The following C1QL1 variants were observed in gnomAD, a reference collection of about 807,000 sequenced individuals.
The protein encoded by C1QL1 is complement C1q like 1.
C1QL1 carries 15 observed loss-of-function variants against 14.2 expected under a neutral mutation model. That is an observed-to-expected ratio of 1.06 (90% CI 0.71 to 1.62). The LOEUF is 1.62. C1QL1 is among the 40% of genes most tolerant of loss of function. The pLI is 0.00. For missense variants in C1QL1, 346 were observed against 380.3 expected (o/e 0.91, Z 0.75); for synonymous variants, 172 against 172.4 (o/e 1.00, Z 0.02).
rs3024273 is a variant in C1QL1, at chr17:44,967,308, T to C, written c.597+144A>G. 1.6e-4 allele frequency: 141 copies of C among 854,982 alleles called. No individual in the cohort carries two copies. The African/African-American group carries it at 1.8e-3, about 11-fold the overall frequency. 53.0% of individuals were successfully genotyped at this position (854,982 alleles called of 1,614,324 possible). On this transcript the variant is annotated intron_variant, in intron 1 of 1. Transcript: ENST00000253407. The surrounding 1 kb of genome is among the most constrained non-coding windows in gnomAD (Gnocchi z 7.0). ...CGCTGGCTCCGACCATCCCCACACG[T>C]GATGACCAAGCGGGGCCGCTGTGGG...
intron 1 of C1QL1, among the ~76,000 whole-genome samples, chr17:44,966,729 G>A (rs912037850): frequency 2.6e-5 from 4 of 152,100 alleles, no homozygotes; most frequent in African/African-American, 9.7e-5. Context: ...GGGAGACCAA[G>A]AGGAGGGGGA....
Position 44,968,054 on chromosome 17 carries a change from C to A in C1QL1, c.-6G>T. 1 of 1,313,972 alleles carries A rather than the reference C, an allele frequency of 7.6e-7. No individual in the cohort carries two copies. Among genetic ancestry groups the A allele is most frequent in the Non-Finnish European group, 9.7e-7 (1 of 1,031,588 alleles). 81.4% of individuals were successfully genotyped at this position (1,313,972 alleles called of 1,614,324 possible). On this transcript the variant is annotated 5_prime_UTR_variant, in exon 1 of 2. Coordinates refer to ENST00000253407, the MANE Select transcript of C1QL1 (RefSeq NM_006688.5). ...ACCACCAGCACCAGCAGCATCACCA[C>A]ACCCGCGGCGGCCGCTAGCAGCGTC...
chr17:44,967,704 GC>G lies in C1QL1; in HGVS notation c.344del (p.Gly115AlafsTer41), dbSNP rs760064874. On this transcript the variant is annotated frameshift_variant, in exon 1 of 2. Coordinates refer to ENST00000253407, the MANE Select transcript of C1QL1 (RefSeq NM_006688.5). LOFTEE classifies it high-confidence loss of function. This position sits in a 1 kb window ranked among gnomAD's most constrained non-coding sequence, Gnocchi z 7.0. ...PGPPGLPGAG[G>X]SGAISTATYT... ...AGGTGGCAGTGCTGATGGCGCCGCTGCCCCCCGCGCCCGGCAGCCCCGGAGG... is the reference window on the plus strand; with the variant it reads ...AGGTGGCAGTGCTGATGGCGCCGCTGCCCCCGCGCCCGGCAGCCCCGGAGG... 6.2e-7 allele frequency: 1 copy of G among 1,610,386 alleles called. No homozygotes were observed. Among genetic ancestry groups the G allele is most frequent in the Non-Finnish European group, 8.5e-7 (1 of 1,179,098 alleles).
chr17:44,966,321 G>C (rs147949957), intron 1 of C1QL1, among the ~76,000 whole-genome samples: 103 of 152,342 alleles, frequency 6.8e-4, no homozygotes, highest in African/African-American at 2.3e-3. Context: ...CAGAGCCTCA[G>C]GGCAGTGCTG....
intron 1 of C1QL1, among the ~76,000 whole-genome samples, chr17:44,961,796 G>A (rs944657311): frequency 2.7e-5 from 4 of 150,390 alleles, no homozygotes; most frequent in African/African-American, 9.8e-5. Flanking sequence ...TGAGGCAGGA[G>A]AATGGCGTGA....
In C1QL1 at chr17:44,963,349, G is replaced by C. The variant is rs539947940; in HGVS notation, c.598-2982C>G. Among the ~76,000 whole-genome samples the C allele has an allele frequency of 6.0e-3, 909 of 152,252 alleles. 7 individuals carry two copies. The highest frequency in any genetic ancestry group is 0.021 in the African/African-American group (877 of 41,540). Reference sequence around the variant, plus strand: ...TGTGCCAGGCACTGTGCTCTGTGTTGTGAAAGGTATTAGGGGCCAGAAAGG... The same window carrying C: ...TGTGCCAGGCACTGTGCTCTGTGTTCTGAAAGGTATTAGGGGCCAGAAAGG... On this transcript the variant is annotated intron_variant, in intron 1 of 1. Transcript: ENST00000253407.
intron 1 of C1QL1, among the ~76,000 whole-genome samples, chr17:44,963,012 G>A (rs555135281): frequency 2.0e-5 from 3 of 152,322 alleles, no homozygotes; most frequent in East Asian, 3.9e-4. Context: ...ACTGGAGACA[G>A]TTGAGGCCTG....
rs1271762105 is a variant in C1QL1, at chr17:44,967,726, G to A, written c.323C>T (p.Pro108Leu). ...GCTGCCCCCCGCGCCCGGCAGCCCC[G>A]GAGGGCCCGGCTTGCCTGGCTCACC... is the stretch of plus-strand genomic sequence containing the variant. ...EKGEPGKPGP[P>L]GLPGAGGSGA... The change falls in exon 1 of 2, where the codon CCG becomes CTG. Residue 108 changes from proline to leucine, a missense_variant. Coordinates refer to ENST00000253407, the MANE Select transcript of C1QL1 (RefSeq NM_006688.5). This position sits in a 1 kb window ranked among gnomAD's most constrained non-coding sequence, Gnocchi z 7.0. 6.2e-7 allele frequency: 1 copy of A among 1,606,008 alleles called. No homozygotes were observed. Among genetic ancestry groups the A allele is most frequent in the East Asian group, 2.2e-5 (1 of 44,714 alleles).
Position 44,967,653 on chromosome 17 carries a change from G to A in C1QL1, c.396C>T (p.Phe132=). The part of the protein sequence containing the change: ...ATYTTVPRVA[F]YAGLKNPHEG... ...CGTGGGGGTTCTTGAGGCCGGCGTAGAAGGCCACGCGCGGCACCGTGGTGT... is the reference window on the plus strand; with the variant it reads ...CGTGGGGGTTCTTGAGGCCGGCGTAAAAGGCCACGCGCGGCACCGTGGTGT... Residue 132 remains phenylalanine (F), a synonymous_variant, in exon 1 of 2, where the codon TTC becomes TTT. Transcript: ENST00000253407. The surrounding 1 kb of genome is among the most constrained non-coding windows in gnomAD (Gnocchi z 7.0). The A allele has an allele frequency of 1.2e-6, 2 of 1,613,726 alleles. No homozygotes were observed. Among genetic ancestry groups the A allele is most frequent in the South Asian group, 1.1e-5 (1 of 91,090 alleles).
At chr17:44,962,071 G>C (rs2052631051) in intron 1 of C1QL1, among the ~76,000 whole-genome samples, 1 of 152,148 alleles carries the variant, frequency 6.6e-6, no homozygotes, top group African/African-American at 2.4e-5. Context: ...CTCCAGGACT[G>C]TGGCTTGTGG....
At chr17:44,966,801 C>T (rs1368322660) in intron 1 of C1QL1, among the ~76,000 whole-genome samples, 1 of 103,692 alleles carries the variant, frequency 9.6e-6, no homozygotes, top group African/African-American at 3.7e-5. Flanking sequence ...AGGAAAAACT[C>T]CCCCGCCCCC....
chr17:44,962,268 T>TGTGCCAGAGCTGCTGACTCAGCC (rs1265511535), intron 1 of C1QL1, among the ~76,000 whole-genome samples: 1 of 152,206 alleles, frequency 6.6e-6, no homozygotes, highest in Non-Finnish European at 1.5e-5. Flanking sequence ...GCAGGTCAGC[T>TGTGCCAGAGCTGCTGACTCAGCC]GTGCCAGAGC....
At position 44,968,244 on chromosome 17, in the gene C1QL1, G is replaced by T. The variant is rs987798415; in HGVS notation, c.-196C>A. On this transcript the variant is annotated 5_prime_UTR_variant, in exon 1 of 2. Coordinates refer to ENST00000253407, the MANE Select transcript of C1QL1 (RefSeq NM_006688.5). ...CGGGGCGCCGCGCTGCGCTGGCTGC[G>T]CTGCGGAGCCCAGCCGCCGGCTCCT... Among the ~76,000 whole-genome samples, 1 of 148,132 alleles carries T rather than the reference G, an allele frequency of 6.8e-6. No individual in the cohort carries two copies.
chr17:44,966,040 T>C (rs182666098), intron 1 of C1QL1, among the ~76,000 whole-genome samples: 1 of 151,940 alleles, frequency 6.6e-6, no homozygotes, highest in East Asian at 1.9e-4. Context: ...ATACAAGGAA[T>C]AGAGAAGAGT....
chr17:44,967,969 G>C lies in C1QL1; in HGVS notation c.80C>G (p.Thr27Ser). The C allele has an allele frequency of 7.3e-7, 1 of 1,361,776 alleles. No individual in the cohort carries two copies. Among genetic ancestry groups the C allele is most frequent in the Non-Finnish European group, 9.5e-7 (1 of 1,056,594 alleles). The allele number at this position is 1,361,776 out of a possible 1,614,324, so 84.4% of individuals were successfully genotyped here. The change falls in exon 1 of 2, where the codon ACC becomes AGC. Residue 27 changes from threonine (T) to serine (S), a missense_variant. By Grantham distance (58) the Thr-to-Ser change is moderately conservative (BLOSUM62 1). Coordinates refer to ENST00000253407, the MANE Select transcript of C1QL1 (RefSeq NM_006688.5). This position sits in a 1 kb window ranked among gnomAD's most constrained non-coding sequence, Gnocchi z 7.0. ...GPEGHYEMLG[T>S]CRMVCDPYPA... ...GTAGGGGTCGCACACCATGCGGCAGGTGCCCAGCATCTCATAGTGGCCTTC... is the reference window on the plus strand; with the variant it reads ...GTAGGGGTCGCACACCATGCGGCAGCTGCCCAGCATCTCATAGTGGCCTTC...
chr17:44,962,205 C>A (rs1360178929), intron 1 of C1QL1, among the ~76,000 whole-genome samples: 2 of 152,154 alleles, frequency 1.3e-5, no homozygotes, highest in African/African-American at 4.8e-5. Context: ...TGGGTAGAAC[C>A]AAGCCAAATT....
At chr17:44,966,081 A>G (rs2052656070) in intron 1 of C1QL1, among the ~76,000 whole-genome samples, 1 of 152,190 alleles carries the variant, frequency 6.6e-6, no homozygotes, top group Non-Finnish European at 1.5e-5. Flanking sequence ...GAGGCCAGAA[A>G]CCCAGGGAGA....
intron 1 of C1QL1, among the ~76,000 whole-genome samples, chr17:44,962,478 C>A (rs1044473592): frequency 1.3e-5 from 2 of 152,152 alleles, no homozygotes; most frequent in African/African-American, 4.8e-5. Flanking sequence ...ATGCTGTCTG[C>A]CAAGGAGCTC....
At chr17:44,961,995 T>G (rs2052630536) in intron 1 of C1QL1, among the ~76,000 whole-genome samples, 1 of 151,012 alleles carries the variant, frequency 6.6e-6, no homozygotes, top group African/African-American at 2.4e-5. Context: ...GAAACATAAG[T>G]CCTGAGTTTG....
Sources: allele counts gnomAD v4.1 joint callset (sites outside exome capture counted in the v4.1 genomes callset), GRCh38; gene constraint gnomAD v4.1.1; non-coding constraint Gnocchi (gnomAD v3.1); transcripts MANE v1.5; gene names NCBI Gene and HGNC (gene_info 2026-07-23, HGNC 2026-07-21).